ABHD12: variants seen among roughly 807,000 people sequenced by gnomAD.
ABHD12 encodes the protein lysophosphatidylserine lipase ABHD12.
Under a neutral mutation model 58.3 loss-of-function variants are expected in ABHD12, and 43 were observed. The observed-to-expected ratio is 0.74, with a 90% CI of 0.58 to 0.95. The LOEUF (loss-of-function observed/expected upper bound fraction) is 0.95, where lower values mean the gene tolerates loss of function less well. ABHD12 is among the 40% of genes least tolerant of loss of function. The pLI is 0.00. For missense variants in ABHD12, 539 were observed against 537.2 expected (o/e 1.00, Z -0.03); for synonymous variants, 219 against 211.2 (o/e 1.04, Z -0.32).
chr20:25,318,890 A>G (rs1291612437), intron 4 of ABHD12, among the ~76,000 whole-genome samples: 1 of 152,198 alleles, frequency 6.6e-6, no homozygotes, highest in East Asian at 1.9e-4. Context: ...CCTGACACAG[A>G]AACCGCTTCA....
intron 6 of ABHD12, among the ~76,000 whole-genome samples, chr20:25,313,631 C>T (rs1170477868): frequency 1.5e-5 from 1 of 65,958 alleles, no homozygotes; most frequent in South Asian, 5.9e-4. Flanking sequence ...AATAAAATAA[C>T]ATTAGCCAGG....
At chr20:25,325,371 CA>C (rs1200469458) in intron 2 of ABHD12, among the ~76,000 whole-genome samples, 1 of 152,036 alleles carries the variant, frequency 6.6e-6, no homozygotes, top group Non-Finnish European at 1.5e-5. Flanking sequence ...TTGTGCTCCC[CA>C]AAAAAGACTA....
At chr20:25,344,030 A>C (rs2146045888) in intron 1 of ABHD12, among the ~76,000 whole-genome samples, 1 of 152,352 alleles carries the variant, frequency 6.6e-6, no homozygotes, top group South Asian at 2.1e-4. Flanking sequence ...ACATGATCAT[A>C]TAAATAGATG....
chr20:25,357,649 C>CAT (rs944194562), intron 1 of ABHD12, among the ~76,000 whole-genome samples: 6 of 152,104 alleles, frequency 3.9e-5, no homozygotes, highest in African/African-American at 9.7e-5. Context: ...TATTATGCAA[C>CAT]ATATATATAA....
In ABHD12 at chr20:25,374,173, T is replaced by C. The variant is rs1454027487; in HGVS notation, c.191+16340A>G. On this transcript the variant is annotated intron_variant, in intron 1 of 12. Coordinates refer to ENST00000339157, the MANE Select transcript of ABHD12 (RefSeq NM_001042472.3). ...ATTCCTGGGCTCAAGTGATCCTCCTTCTTTATCCTCCCAAAGTGCTAGGAT... is the reference window on the plus strand; with the variant it reads ...ATTCCTGGGCTCAAGTGATCCTCCTCCTTTATCCTCCCAAAGTGCTAGGAT... Among the ~76,000 whole-genome samples, 3 of 152,114 alleles carry C rather than the reference T, an allele frequency of 2.0e-5. No individual in the cohort carries two copies. The East Asian group carries it at 5.8e-4, about 30-fold the overall frequency.
chr20:25,334,056 AC>A (rs1309074762), intron 2 of ABHD12, among the ~76,000 whole-genome samples: 1 of 151,812 alleles, frequency 6.6e-6, no homozygotes, highest in Non-Finnish European at 1.5e-5. Flanking sequence ...TATCTAGAAA[AC>A]CCCATTGTCT....
chr20:25,322,755 C>T (rs1359032060), intron 3 of ABHD12, among the ~76,000 whole-genome samples: 3 of 151,680 alleles, frequency 2.0e-5, no homozygotes, highest in Non-Finnish European at 4.4e-5. Flanking sequence ...CAGAGTCTTG[C>T]TCTGTCATCC....
chr20:25,375,747 T>C (rs2089954449), intron 1 of ABHD12, among the ~76,000 whole-genome samples: 2 of 152,226 alleles, frequency 1.3e-5, no homozygotes, highest in Non-Finnish European at 2.9e-5. Flanking sequence ...TTGTCGTTTT[T>C]GTTGTGGCTG....
rs1239169391 is a variant in ABHD12, at chr20:25,390,732, G to T, written c.-29C>A. ...GCGGCCGACAGGGCCAGCCGCCGAC[G>T]GCGCCCGCTGGCCTGCGCCGCAGTG... On this transcript the variant is annotated 5_prime_UTR_variant, in exon 1 of 13. Coordinates refer to ENST00000339157, the MANE Select transcript of ABHD12 (RefSeq NM_001042472.3). 8.9e-7 allele frequency: 1 copy of T among 1,122,470 alleles called. No homozygotes were observed. The highest frequency in any genetic ancestry group is 1.1e-6 in the Non-Finnish European group (1 of 888,050). The allele number at this position is 1,122,470 out of a possible 1,614,324, so 69.5% of individuals were successfully genotyped here. A position where few individuals can be genotyped will look rare whatever the true frequency, so the allele number is the denominator to read the frequency against.
At chr20:25,383,830 C>T (rs1384109935) in intron 1 of ABHD12, among the ~76,000 whole-genome samples, 1 of 151,746 alleles carries the variant, frequency 6.6e-6, no homozygotes, top group African/African-American at 2.4e-5. Flanking sequence ...TGGCGTGCAC[C>T]TGTAATCCCA....
In ABHD12 at chr20:25,390,816, A is replaced by G; in HGVS notation, c.-113T>C. 1.5e-6 allele frequency: 1 copy of G among 646,616 alleles called. No individual in the cohort carries two copies. The highest frequency in any genetic ancestry group is 2.1e-6 in the Non-Finnish European group (1 of 477,170). 40.1% of individuals were successfully genotyped at this position (646,616 alleles called of 1,614,324 possible). ...GAGCCCGGAACCCGCCGCTCCTCAC[A>G]TCCCAGCCCAGGCCGCTGCGCCGGC... On this transcript the variant is annotated 5_prime_UTR_variant, in exon 1 of 13. The change abolishes an upstream ATG in the 5' untranslated region. Transcript: ENST00000339157.
At chr20:25,346,936 G>C (rs960137370) in intron 1 of ABHD12, among the ~76,000 whole-genome samples, 1 of 152,158 alleles carries the variant, frequency 6.6e-6, no homozygotes, top group East Asian at 1.9e-4. Context: ...AAGCCACTGC[G>C]CCCGGCCAAG....
intron 2 of ABHD12, among the ~76,000 whole-genome samples, chr20:25,338,454 A>T (rs1275934822): frequency 1.3e-5 from 2 of 152,148 alleles, no homozygotes; most frequent in Admixed American, 1.3e-4. Context: ...CAAACCTCGA[A>T]CCCACAGATG....
chr20:25,339,547 T>C, intron 1 of ABHD12, 196 bp from the exon 2 acceptor site: 2 of 1,416,208 alleles, frequency 1.4e-6, no homozygotes, highest in South Asian at 1.2e-5. Flanking sequence ...AATTTGGGCT[T>C]AGAACTCTAC....
chr20:25,388,456 A>AG (rs1316066784), intron 1 of ABHD12, among the ~76,000 whole-genome samples: 1 of 152,174 alleles, frequency 6.6e-6, no homozygotes, highest in Non-Finnish European at 1.5e-5. Context: ...CAAGGTCGAC[A>AG]GGAGTGGGCT....
chr20:25,337,876 T>C (rs1430351303), intron 2 of ABHD12, among the ~76,000 whole-genome samples: 1 of 152,232 alleles, frequency 6.6e-6, no homozygotes, highest in South Asian at 2.1e-4. Flanking sequence ...TTCTCACAAG[T>C]GACAAAACTT....
chr20:25,370,445 CAG>C (rs2089885936), intron 1 of ABHD12, among the ~76,000 whole-genome samples: 1 of 152,196 alleles, frequency 6.6e-6, no homozygotes, highest in Non-Finnish European at 1.5e-5. Context: ...GGCACAGCCG[CAG>C]AGTCACCAAT....
rs114981637 is a variant in ABHD12, at chr20:25,338,931, C to G, written c.316+296G>C. 8.6e-4 allele frequency: 1,047 copies of G among 1,211,336 alleles called. 8 individuals carry two copies. In the African/African-American group the frequency reaches 0.015, roughly 18 times the overall value. 75.0% of individuals were successfully genotyped at this position (1,211,336 alleles called of 1,614,324 possible). A position where few individuals can be genotyped will look rare whatever the true frequency, so the allele number is the denominator to read the frequency against. On this transcript the variant is annotated intron_variant, in intron 2 of 12. Coordinates refer to ENST00000339157, the MANE Select transcript of ABHD12 (RefSeq NM_001042472.3). ...TGGTCCCCCAGGGCAGTGTAGTCTT[C>G]TGTGGACAGAAATCCAGTGCTGGGG...
rs1403079056 is a variant in ABHD12 at position 25,300,481 on chromosome 20, C to G, written c.*364G>C. 6 of 1,249,320 alleles carry G rather than the reference C, an allele frequency of 4.8e-6. No individual in the cohort carries two copies. Among genetic ancestry groups the G allele is most frequent in the Non-Finnish European group, 6.1e-6 (6 of 983,732 alleles). The allele number at this position is 1,249,320 out of a possible 1,614,324, so 77.4% of individuals were successfully genotyped here. A position where few individuals can be genotyped will look rare whatever the true frequency, so the allele number is the denominator to read the frequency against. On this transcript the variant is annotated 3_prime_UTR_variant, in exon 13 of 13. Transcript: ENST00000339157. ...TCTCTGTGGGTGGTGCCAAAAAGCT[C>G]AGCATGGTCCCGAGCCCCAAGAGTC...
Sources: allele counts gnomAD v4.1 joint callset (sites outside exome capture counted in the v4.1 genomes callset), GRCh38; gene constraint gnomAD v4.1.1; transcripts MANE v1.5; gene names NCBI Gene and HGNC (gene_info 2026-07-23, HGNC 2026-07-21).